Variants in TAF11 observed in about 807,000 individuals in gnomAD.
TAF11 encodes the protein transcription initiation factor TFIID subunit 11.
In TAF11, 10 loss-of-function variants were observed where a neutral mutation model predicts 23.0. The observed-to-expected ratio is 0.43, with a 90% confidence interval of 0.27 to 0.74. The LOEUF (loss-of-function observed/expected upper bound fraction) is 0.74, where lower values mean the gene tolerates loss of function less well. TAF11 is among the 30% of genes least tolerant of loss of function. The pLI is 0.19. For missense variants in TAF11, 196 were observed against 261.7 expected, an observed-to-expected ratio of 0.75 and a Z score of 1.73; for synonymous variants, 85 against 95.8, an observed-to-expected ratio of 0.89 and a Z score of 0.66.
In TAF11 at chr6:34,880,348, G is replaced by T; in HGVS notation, c.349C>A (p.Gln117Lys). ...CGATACATTTCATAACGGTTCAGCT[G>T]CTCCTCAGAAAAAGAAGAAACCAGG... Reference protein sequence around the residue: ...QILVSSFSEEQLNRYEMYRRS... With the variant: ...QILVSSFSEEKLNRYEMYRRS... Residue 117 changes from glutamine (Q) to lysine (K), a missense_variant, in exon 3 of 5, where the codon CAG becomes AAG. Transcript: ENST00000361288. This position sits in a 1 kb window ranked among gnomAD's most constrained non-coding sequence, Gnocchi z 4.8. 6.2e-7 allele frequency: 1 copy of T among 1,614,016 alleles called. No individual in the cohort carries two copies. The highest frequency in any genetic ancestry group is 8.5e-7 in the Non-Finnish European group (1 of 1,179,972).
chr6:34,878,253 A>G lies in TAF11; in HGVS notation c.*337T>C, dbSNP rs189550036. The G allele has an allele frequency of 1.0e-4, 24 of 231,526 alleles. No homozygotes were observed. In the East Asian group the frequency reaches 2.0e-3, roughly 19 times the overall value. 14.3% of individuals were successfully genotyped at this position (231,526 alleles called of 1,614,324 possible). A position where few individuals can be genotyped will look rare whatever the true frequency, so the allele number is the denominator to read the frequency against. On this transcript the variant is annotated 3_prime_UTR_variant, in exon 5 of 5. Transcript: ENST00000361288. ...CAAGACCCTATCTCAAACAAAACGAAACCAAAACAAAACAAAACTCTCTTG... is the reference window on the plus strand; with the variant it reads ...CAAGACCCTATCTCAAACAAAACGAGACCAAAACAAAACAAAACTCTCTTG...
intron 2 of TAF11, 96 bp downstream of exon 2, chr6:34,882,836 G>A: frequency 1.4e-6 from 2 of 1,395,856 alleles, no homozygotes; most frequent in Non-Finnish European, 1.9e-6. Context: ...TTTCTTTTGA[G>A]TTTATAAAAG....
Position 34,887,948 on chromosome 6 carries a change from C to T in TAF11, c.10G>A (p.Ala4Thr), listed in dbSNP as rs769732464. ...CCTTTGTCGGAGGGCGACTCGTGGGCATCGTCCATCACGGATAGGATTGGA... is the reference window on the plus strand; with the variant it reads ...CCTTTGTCGGAGGGCGACTCGTGGGTATCGTCCATCACGGATAGGATTGGA... MDD[A>T]HESPSDKGGE... is the part of the protein sequence containing the mutation. Residue 4 changes from alanine (A) to threonine (T), a missense_variant, in exon 1 of 5, where the codon GCC becomes ACC. Transcript: ENST00000361288. 2.8e-5 allele frequency: 46 copies of T among 1,614,050 alleles called. No individual in the cohort carries two copies. The highest frequency in any genetic ancestry group is 4.2e-6 in the Non-Finnish European group (5 of 1,180,048).
Position 34,878,572 on chromosome 6 carries a change from G to A in TAF11, c.*18C>T. 7.5e-7 allele frequency: 1 copy of A among 1,330,324 alleles called. No homozygotes were observed. Among genetic ancestry groups the A allele is most frequent in the Non-Finnish European group, 1.1e-6 (1 of 921,528 alleles). 82.4% of individuals were successfully genotyped at this position (1,330,324 alleles called of 1,614,324 possible). A position where few individuals can be genotyped will look rare whatever the true frequency, so the allele number is the denominator to read the frequency against. The stretch of plus-strand genomic sequence containing the variant: ...AATACTTCTTCCGTCAGTAACATAG[G>A]CCTTTCTAGACTTTGGTCTAGAAGA... On this transcript the variant is annotated 3_prime_UTR_variant, in exon 5 of 5. Transcript: ENST00000361288.
At position 34,878,643 on chromosome 6, in the gene TAF11, T is replaced by G. The variant is rs1361859657; in HGVS notation, c.583A>C (p.Lys195Gln). Residue 195 changes from lysine (K) to glutamine (Q), a missense_variant, in exon 5 of 5, where the codon AAG (lysine) becomes CAG (glutamine). By Grantham distance (53) the Lys-to-Gln change is moderately conservative. Transcript: ENST00000361288. ...GAGTTAGGGATCTGTCCTTTTGACTTTAACCTTCTAACGGCTTCCCTCATA... is the reference window on the plus strand; with the variant it reads ...GAGTTAGGGATCTGTCCTTTTGACTGTAACCTTCTAACGGCTTCCCTCATA... ...KHMREAVRRL[K>Q]SKGQIPNSKH... The G allele has an allele frequency of 5.6e-6, 9 of 1,613,908 alleles. No individual in the cohort carries two copies. Among genetic ancestry groups the G allele is most frequent in the Non-Finnish European group, 7.6e-6 (9 of 1,179,906 alleles).
Position 34,878,707 on chromosome 6 carries a change from A to T in TAF11, c.519T>A (p.Cys173Ter). ...GEVVEEALDV[C>*]EKWGEMPPLQ... ...GTGGTGGCATTTCTCCCCACTTCTC[A>T]CACACATCCAGTGCTAAACAGAGGG... Residue 173 changes from cysteine (C) to a stop codon, truncating the protein, a stop_gained, in exon 5 of 5, where the codon TGT becomes TGA. Transcript: ENST00000361288. LOFTEE classifies it high-confidence loss of function. 1 of 1,614,038 alleles carries T rather than the reference A, an allele frequency of 6.2e-7. No individual in the cohort carries two copies.
rs1766392955 is a variant in TAF11 at position 34,880,032 on chromosome 6, GAC to G, written c.438_439del (p.Gln148GlufsTer26). 1.2e-6 allele frequency: 2 copies of G among 1,614,016 alleles called. No individual in the cohort carries two copies. The highest frequency in any genetic ancestry group is 1.7e-6 in the Non-Finnish European group (2 of 1,180,032). On this transcript the variant is annotated frameshift_variant, in exon 4 of 5. Transcript: ENST00000361288. LOFTEE classifies it high-confidence loss of function. This position sits in a 1 kb window ranked among gnomAD's most constrained non-coding sequence, Gnocchi z 4.8. ...AGACATAGCAATAACAACATTCTGAGACACAGAGGTGCCAGTGATGGACTGGA... is the reference window on the plus strand; with the variant it reads ...AGACATAGCAATAACAACATTCTGAGACAGAGGTGCCAGTGATGGACTGGA...
Position 34,880,453 on chromosome 6 carries a change from A to G in TAF11, c.321-77T>C. The G allele has an allele frequency of 6.9e-7, 1 of 1,443,242 alleles. No homozygotes were observed. The highest frequency in any genetic ancestry group is 1.8e-5 in the Admixed American group (1 of 54,260). The allele number at this position is 1,443,242 out of a possible 1,614,324, so 89.4% of individuals were successfully genotyped here. A position where few individuals can be genotyped will look rare whatever the true frequency, so the allele number is the denominator to read the frequency against. The stretch of plus-strand genomic sequence containing the variant: ...ATATTATGAAGTCAATAAAAGTTTC[A>G]GACAATTCAAAAACGAATTCTTAAA... On this transcript the variant is annotated intron_variant, in intron 2 of 4. Coordinates refer to ENST00000361288, the MANE Select transcript of TAF11 (RefSeq NM_005643.4). The surrounding 1 kb of genome is among the most constrained non-coding windows in gnomAD (Gnocchi z 4.8).
chr6:34,884,078 G>A (rs887560159), intron 1 of TAF11, among the ~76,000 whole-genome samples: 16 of 152,084 alleles, frequency 1.1e-4, no homozygotes, highest in African/African-American at 3.6e-4. Flanking sequence ...ATACCCAAAG[G>A]AATATAAATT....
intron 2 of TAF11, among the ~76,000 whole-genome samples, chr6:34,881,499 CTATTTT>C (rs1341512242): frequency 1.3e-5 from 2 of 152,002 alleles, no homozygotes; most frequent in Non-Finnish European, 2.9e-5. Context: ...AAAGCTATTT[CTATTTT>C]TAAGAAAACT....
At position 34,880,244 on chromosome 6, in the gene TAF11, A is replaced by T. The variant is rs529217183; in HGVS notation, c.408+45T>A. On this transcript the variant is annotated intron_variant, in intron 3 of 4. Coordinates refer to ENST00000361288, the MANE Select transcript of TAF11 (RefSeq NM_005643.4). The surrounding 1 kb of genome is among the most constrained non-coding windows in gnomAD (Gnocchi z 4.8). ...GCCAATGGACATGGCTCTTGAGTTC[A>T]GTTCTAAAACGTGATGGAGATGAAG... 4 of 1,602,892 alleles carry T rather than the reference A, an allele frequency of 2.5e-6. No homozygotes were observed. Among genetic ancestry groups the T allele is most frequent in the Non-Finnish European group, 3.4e-6 (4 of 1,171,004 alleles).
Position 34,887,936 on chromosome 6 carries a change from G to C in TAF11, c.22C>G (p.Pro8Ala). 1 of 1,614,150 alleles carries C rather than the reference G, an allele frequency of 6.2e-7. No homozygotes were observed. Among genetic ancestry groups the C allele is most frequent in the Non-Finnish European group, 8.5e-7 (1 of 1,180,028 alleles). Residue 8 changes from proline to alanine, a missense_variant, in exon 1 of 5, where the codon CCC becomes GCC. By Grantham distance (27) the Pro-to-Ala change is conservative. Transcript: ENST00000361288. Reference sequence around the variant, plus strand: ...CCTGTCTCTCCACCTTTGTCGGAGGGCGACTCGTGGGCATCGTCCATCACG... The same window carrying C: ...CCTGTCTCTCCACCTTTGTCGGAGGCCGACTCGTGGGCATCGTCCATCACG... MDDAHES[P>A]SDKGGETGES... is the part of the protein sequence containing the mutation.
At chr6:34,879,243 T>G in intron 4 of TAF11, 1 of 247,418 alleles carries the variant, frequency 4.0e-6, no homozygotes, top group Non-Finnish European at 6.4e-6. Context: ...ATTAGCCAGG[T>G]ATGGTAGTGC....
At chr6:34,879,070 T>C (rs992973712) in intron 4 of TAF11, among the ~76,000 whole-genome samples, 2 of 152,028 alleles carry the variant, frequency 1.3e-5, no homozygotes, top group Non-Finnish European at 2.9e-5. Context: ...CCAGGGGTGG[T>C]GGTGCGCACC....
Position 34,887,790 on chromosome 6 carries a change from G to A in TAF11, c.168C>T (p.Gly56=). The A allele has an allele frequency of 1.9e-6, 3 of 1,614,074 alleles. No homozygotes were observed. Reference sequence around the variant, plus strand: ...TCATCAGTACATCTCTTCCTACCTCGCCTTCCTCCGCTGCAGCTTCTTTCA... The same window carrying A: ...TCATCAGTACATCTCTTCCTACCTCACCTTCCTCCGCTGCAGCTTCTTTCA... ...VDLKEAAAEE[G]ELESQDVSDL... is the part of the protein sequence containing the mutation. Residue 56 remains glycine (G), a synonymous_variant, in exon 1 of 5, where the codon GGC becomes GGT. Coordinates refer to ENST00000361288, the MANE Select transcript of TAF11 (RefSeq NM_005643.4).
At chr6:34,887,339 T>C (rs962955204) in intron 1 of TAF11, among the ~76,000 whole-genome samples, 3 of 152,098 alleles carry the variant, frequency 2.0e-5, no homozygotes, top group Non-Finnish European at 4.4e-5. Flanking sequence ...GACTTTTCGA[T>C]ATAAAAGTCT....
chr6:34,887,788 T>C lies in TAF11; in HGVS notation c.170A>G (p.Glu57Gly). ...DLKEAAAEEGELESQDVSDLT... is the reference protein window; with the variant it reads ...DLKEAAAEEGGLESQDVSDLT... ...CCTCATCAGTACATCTCTTCCTACC[T>C]CGCCTTCCTCCGCTGCAGCTTCTTT... is the stretch of plus-strand genomic sequence containing the variant. The change falls in exon 1 of 5, where the codon GAG (glutamate) becomes GGG (glycine). Residue 57 changes from glutamate to glycine, a missense_variant and splice_region_variant. Glu to Gly is a moderately conservative substitution (Grantham distance 98). Coordinates refer to ENST00000361288, the MANE Select transcript of TAF11 (RefSeq NM_005643.4). The C allele has an allele frequency of 6.2e-7, 1 of 1,614,164 alleles. No homozygotes were observed. Among genetic ancestry groups the C allele is most frequent in the Non-Finnish European group, 8.5e-7 (1 of 1,180,034 alleles).
In TAF11 at chr6:34,880,324, G is replaced by C; in HGVS notation, c.373C>G (p.Arg125Gly). Residue 125 changes from arginine (R) to glycine (G), a missense_variant, in exon 3 of 5, where the codon CGC (arginine) becomes GGC (glycine). By Grantham distance (125) the Arg-to-Gly change is moderately radical (BLOSUM62 -2). Coordinates refer to ENST00000361288, the MANE Select transcript of TAF11 (RefSeq NM_005643.4). This position sits in a 1 kb window ranked among gnomAD's most constrained non-coding sequence, Gnocchi z 4.8. ...EEQLNRYEMY[R>G]RSAFPKAAIK... Reference sequence around the variant, plus strand: ...GCTGCCTTAGGGAAAGCTGAGCGGCGATACATTTCATAACGGTTCAGCTGC... The same window carrying C: ...GCTGCCTTAGGGAAAGCTGAGCGGCCATACATTTCATAACGGTTCAGCTGC... 1 of 1,613,976 alleles carries C rather than the reference G, an allele frequency of 6.2e-7. No homozygotes were observed. Among genetic ancestry groups the C allele is most frequent in the East Asian group, 2.2e-5 (1 of 44,904 alleles).
chr6:34,885,105 C>G (rs1169025336), intron 1 of TAF11, among the ~76,000 whole-genome samples: 1 of 150,452 alleles, frequency 6.6e-6, no homozygotes, highest in Non-Finnish European at 1.5e-5. Context: ...TGTTCTTTAT[C>G]TTTTTTTTCT....
Sources: allele counts gnomAD v4.1 joint callset (sites outside exome capture counted in the v4.1 genomes callset), GRCh38; gene constraint gnomAD v4.1.1; non-coding constraint Gnocchi (gnomAD v3.1); transcripts MANE v1.5; gene names NCBI Gene and HGNC (gene_info 2026-07-23, HGNC 2026-07-21).